EXT1: variants seen among roughly 807,000 people sequenced by gnomAD.
The protein encoded by EXT1 is exostosin glycosyltransferase 1.
EXT1 carries 20 observed loss-of-function variants against 82.5 expected under a neutral mutation model. The ratio of observed to expected loss-of-function variants is 0.24; its 90% confidence interval spans 0.17 to 0.35. The LOEUF (loss-of-function observed/expected upper bound fraction) is 0.35, where lower values mean the gene tolerates loss of function less well. EXT1 is among the 10% of genes least tolerant of loss of function. The pLI is 1.00. For synonymous variants in EXT1, 348 were observed against 350.8 expected (o/e 0.99, Z 0.09); for missense variants, 757 against 936.5 (o/e 0.81, Z 2.50).
At chr8:117,885,461 AT>A (rs35870282) in intron 1 of EXT1, among the ~76,000 whole-genome samples, 11 of 142,764 alleles carry the variant, frequency 7.7e-5, no homozygotes, top group African/African-American at 2.6e-4. Flanking sequence ...CCTAAAATAG[AT>A]TTTTTTTTCC....
At position 118,057,406 on chromosome 8, in the gene EXT1, T is replaced by C. The variant is rs964715736; in HGVS notation, c.962+52679A>G. Among the ~76,000 whole-genome samples, 17 of 151,824 alleles carry C rather than the reference T, an allele frequency of 1.1e-4. No homozygotes were observed. The East Asian group carries it at 1.2e-3, about 10-fold the overall frequency. ...AATACAAAAAATTAGCCGGGTGTGA[T>C]GGCTGATGCCATAATCCCAGCGACT... On this transcript the variant is annotated intron_variant, in intron 1 of 10. Transcript: ENST00000378204.
chr8:117,997,529 C>T (rs1815572129), intron 1 of EXT1, among the ~76,000 whole-genome samples: 1 of 151,810 alleles, frequency 6.6e-6, no homozygotes, highest in Non-Finnish European at 1.5e-5. Context: ...CTCTAAGGGG[C>T]CAGATTTGGC....
At chr8:118,004,842 G>C (rs1421002151) in intron 1 of EXT1, among the ~76,000 whole-genome samples, 2 of 152,186 alleles carry the variant, frequency 1.3e-5, no homozygotes, top group East Asian at 3.9e-4. Context: ...TATTGCCTTA[G>C]GAGTTAGGGT....
Position 118,110,596 on chromosome 8 carries a change from C to A in EXT1, c.451G>T (p.Ala151Ser), listed in dbSNP as rs1402547599. 1 of 1,614,084 alleles carries A rather than the reference C, an allele frequency of 6.2e-7. No homozygotes were observed. Among genetic ancestry groups the A allele is most frequent in the East Asian group, 2.2e-5 (1 of 44,896 alleles). ...TCCAGACTCAGGACAAAGAGGCACG[C>A]CTGGCTGGGGTCCGAGGTGTAGAAC... Reference protein sequence around the residue: ...SRFYTSDPSQACLFVLSLDTL... With the variant: ...SRFYTSDPSQSCLFVLSLDTL... Residue 151 changes from alanine (A) to serine (S), a missense_variant, in exon 1 of 11, where the codon GCG becomes TCG. Ala to Ser is a moderately conservative substitution (Grantham distance 99). Coordinates refer to ENST00000378204, the MANE Select transcript of EXT1 (RefSeq NM_000127.3).
intron 1 of EXT1, among the ~76,000 whole-genome samples, chr8:117,872,014 C>G (rs1329652345): frequency 6.6e-6 from 1 of 151,924 alleles, no homozygotes; most frequent in African/African-American, 2.4e-5. Flanking sequence ...TACCTGTAGT[C>G]CCAGCTACTT....
rs766691923 is a variant in EXT1, at chr8:117,804,911, G to C, written c.1884-18C>G. The C allele has an allele frequency of 6.2e-7, 1 of 1,613,452 alleles. No individual in the cohort carries two copies. The highest frequency in any genetic ancestry group is 2.2e-5 in the East Asian group (1 of 44,868). Reference sequence around the variant, plus strand: ...GATAATATCTGTAAAAATCAAAGATGGGTTTCACAGGGGGCCATTATCACA... The same window carrying C: ...GATAATATCTGTAAAAATCAAAGATCGGTTTCACAGGGGGCCATTATCACA... On this transcript the variant is annotated intron_variant, in intron 9 of 10. Transcript: ENST00000378204.
At chr8:118,059,219 T>G (rs78678225) in intron 1 of EXT1, among the ~76,000 whole-genome samples, 3 of 152,150 alleles carry the variant, frequency 2.0e-5, no homozygotes, top group African/African-American at 7.2e-5. Context: ...CTCACGGCAG[T>G]ATAGTCCTAA....
At chr8:118,035,530 A>G (rs1447248893) in intron 1 of EXT1, among the ~76,000 whole-genome samples, 7 of 152,116 alleles carry the variant, frequency 4.6e-5, no homozygotes, top group Non-Finnish European at 7.3e-5. Context: ...AGGTATTTCA[A>G]AAAAAACAGA....
At chr8:117,800,035 T>C (rs1823142141) in intron 10 of EXT1, 138 bp from the exon 11 acceptor site, 8 of 810,204 alleles carry the variant, frequency 9.9e-6, no homozygotes, top group Admixed American at 2.3e-5. Context: ...TCACCATCTA[T>C]GCACCTGCTG....
intron 1 of EXT1, among the ~76,000 whole-genome samples, chr8:117,840,855 A>G (rs1812264261): frequency 6.6e-6 from 1 of 152,228 alleles, no homozygotes. Flanking sequence ...TCATAACTAC[A>G]ATGAATGAGA....
At chr8:118,098,478 T>C (rs76241807) in intron 1 of EXT1, among the ~76,000 whole-genome samples, 8,026 of 151,832 alleles carry the variant, frequency 0.053, 649 homozygotes, top group African/African-American at 0.17. Context: ...AGTGGCCAGG[T>C]GCAGTGGCTC....
chr8:118,069,121 G>A (rs550992943), intron 1 of EXT1, among the ~76,000 whole-genome samples: 67 of 152,272 alleles, frequency 4.4e-4, no homozygotes, highest in African/African-American at 1.5e-3. Flanking sequence ...CAAGTCATAC[G>A]AAATAACAAG....
intron 1 of EXT1, among the ~76,000 whole-genome samples, chr8:118,020,116 A>G (rs1413891081): frequency 6.6e-6 from 1 of 152,164 alleles, no homozygotes; most frequent in Non-Finnish European, 1.5e-5. Context: ...GAGAACCTAA[A>G]ATTTGTGTTT....
At chr8:118,057,585 C>T (rs1011185172) in intron 1 of EXT1, among the ~76,000 whole-genome samples, 2 of 151,874 alleles carry the variant, frequency 1.3e-5, no homozygotes, top group African/African-American at 4.8e-5. Flanking sequence ...AAAGAAAAGG[C>T]AGTCTTCCCA....
intron 1 of EXT1, among the ~76,000 whole-genome samples, chr8:117,969,559 T>C (rs945825871): frequency 3.3e-5 from 5 of 152,244 alleles, no homozygotes; most frequent in African/African-American, 7.2e-5. Flanking sequence ...GCTGTTTCAA[T>C]GTATAATTTA....
chr8:117,951,503 G>A (rs1465308828), intron 1 of EXT1, among the ~76,000 whole-genome samples: 1 of 152,150 alleles, frequency 6.6e-6, no homozygotes, highest in African/African-American at 2.4e-5. Context: ...CTAGACCCTG[G>A]GAACACAAGG....
In EXT1 at chr8:117,912,946, G is replaced by A. The variant is rs17453112; in HGVS notation, c.963-75745C>T. On this transcript the variant is annotated intron_variant, in intron 1 of 10. Coordinates refer to ENST00000378204, the MANE Select transcript of EXT1 (RefSeq NM_000127.3). ...ACTGAGCATTTCTTAAAATGTGGCC[G>A]CGCACAGTGGCTCATGCCTATAATC... is the stretch of plus-strand genomic sequence containing the variant. 4.3e-3 allele frequency among the ~76,000 whole-genome samples: 658 copies of A among 152,258 alleles called. 1 individual carries two copies. The highest frequency in any genetic ancestry group is 9.1e-3 in the South Asian group (44 of 4,824).
intron 1 of EXT1, among the ~76,000 whole-genome samples, chr8:117,869,072 G>A (rs978463471): frequency 1.8e-4 from 28 of 152,038 alleles, no homozygotes; most frequent in Admixed American, 2.0e-4. Context: ...TCTGCCTGGC[G>A]GGCTGGACTT....
At chr8:117,926,179 G>A (rs931289581) in intron 1 of EXT1, among the ~76,000 whole-genome samples, 1 of 152,180 alleles carries the variant, frequency 6.6e-6, no homozygotes, top group Non-Finnish European at 1.5e-5. Context: ...AAATCCCAAT[G>A]CAAGTGTCAT....
Sources: gnomAD v4.1 joint callset for allele counts (sites outside exome capture counted in the v4.1 genomes callset) on GRCh38, gnomAD v4.1.1 for gene constraint, MANE v1.5 for transcripts, NCBI Gene and HGNC (gene_info 2026-07-23, HGNC 2026-07-21) for gene names.